The following SYNJ1 variants were observed in gnomAD, a reference collection of about 807,000 sequenced individuals.
SYNJ1 encodes the protein polyphosphatidylinositol phosphatase SYNJ1.
Under a neutral mutation model 168.2 loss-of-function variants are expected in SYNJ1, and 78 were observed. The observed-to-expected ratio is 0.46, with a 90% CI of 0.39 to 0.56. SYNJ1 has a LOEUF of 0.56. Among genes scored for constraint, SYNJ1 ranks in the 20% least tolerant of loss-of-function variants. The probability of loss-of-function intolerance (pLI) is 0.00; values close to 1 mark genes in which losing one functional copy is unlikely to be tolerated. For synonymous variants in SYNJ1, 539 were observed against 548.6 expected, an observed-to-expected ratio of 0.98 and a Z score of 0.24; for missense variants, 1,303 against 1,597.6, an observed-to-expected ratio of 0.82 and a Z score of 3.14.
At chr21:32,687,749 T>C (rs1476389451) in intron 7 of SYNJ1, among the ~76,000 whole-genome samples, 2 of 152,174 alleles carry the variant, frequency 1.3e-5, no homozygotes, top group African/African-American at 2.4e-5. Flanking sequence ...TCCACTTATA[T>C]ATGGATTTTT....
At chr21:32,713,010 A>G (rs1234116968) in intron 2 of SYNJ1, among the ~76,000 whole-genome samples, 1 of 152,260 alleles carries the variant, frequency 6.6e-6, no homozygotes, top group Non-Finnish European at 1.5e-5. Flanking sequence ...TATAATAGCA[A>G]AATTGGAAAT....
intron 2 of SYNJ1, among the ~76,000 whole-genome samples, chr21:32,710,628 G>A (rs1326317794): frequency 1.3e-5 from 2 of 151,892 alleles, no homozygotes; most frequent in African/African-American, 2.4e-5. Context: ...GGGCTCAAGC[G>A]ATTCTCCCGC....
At chr21:32,654,078 G>A (rs2040373590) in intron 21 of SYNJ1, 2 of 152,232 alleles carry the variant, frequency 1.3e-5, no homozygotes, top group South Asian at 2.1e-4. Flanking sequence ...AAATTATGAT[G>A]TTATCAGTCT....
intron 29 of SYNJ1, 98 bp downstream of exon 29, chr21:32,641,798 T>C (rs2039848312): frequency 1.2e-6 from 1 of 829,658 alleles, no homozygotes; most frequent in Non-Finnish European, 1.9e-6. Context: ...AATTGAGGCC[T>C]TGAAGGGTCA....
At chr21:32,711,423 C>A (rs1373661012) in intron 2 of SYNJ1, among the ~76,000 whole-genome samples, 3 of 151,850 alleles carry the variant, frequency 2.0e-5, no homozygotes, top group Non-Finnish European at 4.4e-5. Flanking sequence ...ACCTCCACCT[C>A]CTGTGTTCAA....
chr21:32,697,594 G>A (rs2042254926), intron 4 of SYNJ1, among the ~76,000 whole-genome samples: 1 of 151,976 alleles, frequency 6.6e-6, no homozygotes, highest in Non-Finnish European at 1.5e-5. Flanking sequence ...GAGGTCAGGA[G>A]TTGGAGACCA....
intron 15 of SYNJ1, among the ~76,000 whole-genome samples, chr21:32,668,918 G>T (rs1396200182): frequency 6.6e-6 from 1 of 152,004 alleles, no homozygotes; most frequent in Non-Finnish European, 1.5e-5. Context: ...TAAAAGTGCT[G>T]GTGCTTTCAC....
chr21:32,674,716 C>G (rs2041336586), intron 13 of SYNJ1, among the ~76,000 whole-genome samples: 1 of 151,766 alleles, frequency 6.6e-6, no homozygotes, highest in Non-Finnish European at 1.5e-5. Flanking sequence ...TTAAAAGCAC[C>G]TCAACCTAAA....
intron 16 of SYNJ1, 106 bp from the exon 17 acceptor site, chr21:32,666,241 T>A (rs2145924919): frequency 6.9e-7 from 1 of 1,451,982 alleles, no homozygotes; most frequent in Middle Eastern, 2.2e-4. Flanking sequence ...GGTATGGTAC[T>A]TTGAGGGCAA....
intron 31 of SYNJ1, 124 bp downstream of exon 31, chr21:32,638,783 TA>T: frequency 2.2e-6 from 2 of 905,440 alleles, no homozygotes; most frequent in Non-Finnish European, 3.2e-6. Flanking sequence ...ATAACAAATA[TA>T]AAAAGAAAAT....
intron 1 of SYNJ1, among the ~76,000 whole-genome samples, chr21:32,727,421 C>T (rs2043512708): frequency 6.6e-6 from 1 of 152,154 alleles, no homozygotes; most frequent in South Asian, 2.1e-4. Flanking sequence ...CAGGCTCTCC[C>T]GGGGGTGGCG....
chr21:32,721,551 C>T (rs1334189721), intron 2 of SYNJ1, among the ~76,000 whole-genome samples: 1 of 151,526 alleles, frequency 6.6e-6, no homozygotes, highest in African/African-American at 2.4e-5. Flanking sequence ...TGGTGGGGGG[C>T]GCCTGTGGTC....
At chr21:32,655,816 T>C (rs1185759954) in intron 21 of SYNJ1, among the ~76,000 whole-genome samples, 3 of 152,152 alleles carry the variant, frequency 2.0e-5, no homozygotes, top group African/African-American at 4.8e-5. Flanking sequence ...TGCTGTATAG[T>C]TGGAAGAGAA....
chr21:32,670,769 G>T, intron 14 of SYNJ1: 1 of 982,070 alleles, frequency 1.0e-6, no homozygotes, highest in Non-Finnish European at 1.2e-6. Flanking sequence ...CAAATTGCTG[G>T]TAACAGTTGG....
In SYNJ1 at chr21:32,631,429, A is replaced by G. The variant is rs2039321827; in HGVS notation, c.*376T>C. ...ATAGTAACGGGCTCTTCTTTGGAGA[A>G]CCATGAAGTTGCCTCTGATTCTTCA... On this transcript the variant is annotated 3_prime_UTR_variant, in exon 33 of 33. Coordinates refer to ENST00000674351, the MANE Select transcript of SYNJ1 (RefSeq NM_203446.3). The G allele has an allele frequency of 6.2e-7, 1 of 1,614,072 alleles. No individual in the cohort carries two copies. Among genetic ancestry groups the G allele is most frequent in the African/African-American group, 1.3e-5 (1 of 74,928 alleles).
chr21:32,652,317 C>T (rs777512381), intron 22 of SYNJ1, among the ~76,000 whole-genome samples: 43 of 151,998 alleles, frequency 2.8e-4, no homozygotes, highest in Admixed American at 5.2e-4. Context: ...TCTGCTGCCT[C>T]AGTCTCCCAA....
At chr21:32,675,289 A>C (rs2041359946) in intron 13 of SYNJ1, among the ~76,000 whole-genome samples, 2 of 152,202 alleles carry the variant, frequency 1.3e-5, no homozygotes, top group Non-Finnish European at 2.9e-5. Flanking sequence ...TGAACTAATA[A>C]AGTCAAGTCA....
chr21:32,656,300 C>T (rs2040454084), intron 21 of SYNJ1, among the ~76,000 whole-genome samples: 1 of 152,064 alleles, frequency 6.6e-6, no homozygotes, highest in South Asian at 2.1e-4. Flanking sequence ...AAAACTTAGC[C>T]AGGTGTGGTG....
chr21:32,647,175 C>T (rs961463556), intron 23 of SYNJ1, among the ~76,000 whole-genome samples: 1 of 152,208 alleles, frequency 6.6e-6, no homozygotes, highest in African/African-American at 2.4e-5. Flanking sequence ...ACCTAACTGC[C>T]ATTCCAGAAC....
Sources: gnomAD v4.1 joint callset for allele counts (sites outside exome capture counted in the v4.1 genomes callset) on GRCh38, gnomAD v4.1.1 for gene constraint, MANE v1.5 for transcripts, NCBI Gene and HGNC (gene_info 2026-07-23, HGNC 2026-07-21) for gene names.